FAS: variants seen among roughly 807,000 people sequenced by gnomAD.
FAS encodes tumor necrosis factor receptor superfamily member 6.
In FAS, 5 loss-of-function variants were observed where a neutral mutation model predicts 33.2. The ratio of observed to expected loss-of-function variants is 0.15; its 90% confidence interval spans 0.08 to 0.32. FAS has a LOEUF of 0.32. Among genes scored for constraint, FAS ranks in the 10% least tolerant of loss-of-function variants. The probability of loss-of-function intolerance (pLI) is 1.00; values close to 1 mark genes in which losing one functional copy is unlikely to be tolerated. For synonymous variants in FAS, 131 were observed against 130.7 expected (o/e 1.00, Z -0.01); for missense variants, 339 against 386.0 (o/e 0.88, Z 1.02).
At chr10:88,988,212 T>C (rs1846965613), upstream of FAS, among the ~76,000 whole-genome samples, 1 of 152,170 alleles carries the variant, frequency 6.6e-6, no homozygotes. Context: ...GGACAGTTTT[T>C]CTAAAGACAA....
chr10:88,984,574 G>A (rs911008620), upstream of FAS, among the ~76,000 whole-genome samples: 1 of 152,134 alleles, frequency 6.6e-6, no homozygotes, highest in Non-Finnish European at 1.5e-5. Context: ...TTTGCAAACT[G>A]GTTCAATATT....
intron 2 of FAS, among the ~76,000 whole-genome samples, chr10:89,004,783 T>A (rs1204378822): frequency 6.6e-6 from 1 of 152,090 alleles, no homozygotes; most frequent in Non-Finnish European, 1.5e-5. Context: ...ATTAACTGAT[T>A]CTCCCTGATC....
upstream of FAS, among the ~76,000 whole-genome samples, chr10:88,984,538 A>G (rs762897368): frequency 4.6e-5 from 7 of 152,262 alleles, no homozygotes; most frequent in South Asian, 6.2e-4. Context: ...TCTATTTGCT[A>G]TATGAAAACA....
intron 2 of FAS, chr10:88,973,520 T>G: frequency 2.0e-6 from 1 of 488,552 alleles, no homozygotes. Context: ...CCAGGTACCC[T>G]GTCACCTTGG....
At position 89,010,585 on chromosome 10, in the gene FAS, A is replaced by G. The variant is rs1295043003; in HGVS notation, c.490A>G (p.Lys164Glu). 1 of 1,613,904 alleles carries G rather than the reference A, an allele frequency of 6.2e-7. No individual in the cohort carries two copies. The highest frequency in any genetic ancestry group is 8.5e-7 in the Non-Finnish European group (1 of 1,179,872). ...GGAATGCACACTCACCAGCAACACC[A>G]AGTGCAAAGAGGAAGGTAATTATTT... ...IKECTLTSNTKCKEEGSRSNL... is the reference protein window; with the variant it reads ...IKECTLTSNTECKEEGSRSNL... Residue 164 changes from lysine to glutamate, a missense_variant, in exon 5 of 9, where the codon AAG (lysine) becomes GAG (glutamate). Lys to Glu is a moderately conservative substitution (Grantham distance 56). This residue lies in a region of FAS where 276 missense variants were observed against 300.1 expected (regional missense o/e 0.92). Coordinates refer to ENST00000652046, the MANE Select transcript of FAS (RefSeq NM_000043.6).
At chr10:88,983,623 A>C (rs1403038578), upstream of FAS, among the ~76,000 whole-genome samples, 2 of 147,012 alleles carry the variant, frequency 1.4e-5, no homozygotes, top group Middle Eastern at 3.2e-3. Flanking sequence ...AAAAAAAAAA[A>C]AAAAAAAAAA....
chr10:88,998,078 G>GTTCA (rs2133438958), intron 1 of FAS, among the ~76,000 whole-genome samples: 1 of 152,274 alleles, frequency 6.6e-6, no homozygotes, highest in South Asian at 2.1e-4. Flanking sequence ...AGAGACTATA[G>GTTCA]TTCATTCCTT....
intron 6 of FAS, 116 bp from the exon 7 acceptor site, chr10:89,011,883 A>T: frequency 1.0e-6 from 1 of 979,420 alleles, no homozygotes; most frequent in Non-Finnish European, 1.6e-6. Context: ...GCCACTTTTA[A>T]GTTTCACTGA....
intron 7 of FAS, chr10:89,012,457 T>C (rs1564697195): frequency 3.9e-6 from 1 of 257,282 alleles, no homozygotes; most frequent in East Asian, 9.9e-5. Context: ...GGATTATAGG[T>C]GTGAGCCATC....
intron 1 of FAS, among the ~76,000 whole-genome samples, chr10:89,000,733 G>A (rs765502837): frequency 2.0e-5 from 3 of 152,152 alleles, no homozygotes; most frequent in Non-Finnish European, 4.4e-5. Flanking sequence ...AAATTCCCTT[G>A]TGGGGGCTTT....
chr10:89,007,280 GAA>G (rs1243561555), intron 2 of FAS, among the ~76,000 whole-genome samples: 4 of 152,174 alleles, frequency 2.6e-5, no homozygotes, highest in African/African-American at 9.7e-5. Context: ...AAAGTAAAAT[GAA>G]AAGTCAGAGC....
At chr10:89,011,038 C>T in intron 6 of FAS, 2 of 596,400 alleles carry the variant, frequency 3.4e-6, no homozygotes, top group South Asian at 2.0e-5. Context: ...GTGGTATTCT[C>T]ATCCTTCCTA....
At chr10:88,986,142 T>C (rs908450797), upstream of FAS, among the ~76,000 whole-genome samples, 1 of 152,174 alleles carries the variant, frequency 6.6e-6, no homozygotes, top group Non-Finnish European at 1.5e-5. Flanking sequence ...GCAAAATAGA[T>C]TGAAGTTGAA....
At chr10:88,970,364 G>C (rs1846405959) in intron 1 of FAS, among the ~76,000 whole-genome samples, 1 of 151,984 alleles carries the variant, frequency 6.6e-6, no homozygotes, top group African/African-American at 2.4e-5. Flanking sequence ...AGTTCCTTTT[G>C]AATGCAGCAA....
At position 89,015,003 on chromosome 10, in the gene FAS, T is replaced by A; in HGVS notation, c.*553T>A. 1.9e-6 allele frequency: 1 copy of A among 533,092 alleles called. No individual in the cohort carries two copies. The highest frequency in any genetic ancestry group is 3.6e-6 in the Non-Finnish European group (1 of 275,528). 33.0% of individuals were successfully genotyped at this position (533,092 alleles called of 1,614,324 possible). A position where few individuals can be genotyped will look rare whatever the true frequency, so the allele number is the denominator to read the frequency against. ...TTTGAGTGCAGAATTTAAATAAGGC[T>A]CTACCTCAAAGACCTTTGCACAGTT... On this transcript the variant is annotated 3_prime_UTR_variant, in exon 9 of 9. Transcript: ENST00000652046.
intron 2 of FAS, among the ~76,000 whole-genome samples, chr10:88,981,455 C>T (rs915033388): frequency 1.3e-5 from 2 of 151,830 alleles, no homozygotes; most frequent in South Asian, 2.1e-4. Flanking sequence ...ACTATATTCA[C>T]ACCAGGAAAA....
At chr10:89,001,024 C>T (rs926890414) in intron 1 of FAS, among the ~76,000 whole-genome samples, 5 of 152,204 alleles carry the variant, frequency 3.3e-5, no homozygotes, top group African/African-American at 1.2e-4. Flanking sequence ...TGTGCTCCAG[C>T]CTGGGTGACA....
At chr10:88,977,401 C>T (rs1055527521) in intron 2 of FAS, among the ~76,000 whole-genome samples, 1 of 151,568 alleles carries the variant, frequency 6.6e-6, no homozygotes, top group African/African-American at 2.4e-5. Context: ...GTTTTCCCAG[C>T]ACCATTTATT....
At chr10:89,013,244 CT>C in intron 7 of FAS, 98 bp from the exon 8 acceptor site, 1 of 1,184,186 alleles carries the variant, frequency 8.4e-7, no homozygotes, top group South Asian at 1.3e-5. Flanking sequence ...ACTGATTGTA[CT>C]TCTTTCTGAA....
Sources: gnomAD v4.1 joint callset for allele counts (sites outside exome capture counted in the v4.1 genomes callset) on GRCh38, gnomAD v4.1.1 for gene constraint, gnomAD v4.1.1 regional missense constraint, MANE v1.5 for transcripts, NCBI Gene and HGNC (gene_info 2026-07-23, HGNC 2026-07-21) for gene names.